The following ZAN variants were observed in gnomAD, a reference collection of about 807,000 sequenced individuals.
ZAN encodes the protein zonadhesin.
ZAN carries 260 observed loss-of-function variants against 286.2 expected under a neutral mutation model. That is an observed-to-expected ratio of 0.91 (90% CI 0.82 to 1.01). The LOEUF is 1.01. ZAN is among the 50% of genes least tolerant of loss of function. The pLI, the probability that ZAN is intolerant of heterozygous loss-of-function variation, is 0.00. For missense variants in ZAN, 3,410 were observed against 3,639.2 expected (o/e 0.94, Z 1.62); for synonymous variants, 1,368 against 1,417.5 (o/e 0.97, Z 0.79).
At position 100,737,080 on chromosome 7, in the gene ZAN, G is replaced by C. The variant is rs777766055; in HGVS notation, c.525G>C (p.Arg175=). 21 of 1,490,754 alleles carry C rather than the reference G, an allele frequency of 1.4e-5. 2 individuals are homozygous for C. The East Asian group carries it at 1.7e-4, about 12-fold the overall frequency. The allele number at this position is 1,490,754 out of a possible 1,614,324, so 92.3% of individuals were successfully genotyped here. ...TVPAGFTLPT[R]LMFEGTRGST... is the part of the protein sequence containing the mutation. ...CCGCAGGGTTCACCCTGCCCACCCG[G>C]GTAAGGCCGGGGACAAATTGTGGGA... The change falls in exon 5 of 48, where the codon CGG becomes CGC. Residue 175 remains arginine (R), a splice_region_variant and synonymous_variant. Coordinates refer to ENST00000613979, the MANE Select transcript of ZAN (RefSeq NM_003386.3).
At chr7:100,770,443 G>T (rs1810295834) in intron 28 of ZAN, among the ~76,000 whole-genome samples, 1 of 146,052 alleles carries the variant, frequency 6.8e-6, no homozygotes, top group Admixed American at 7.0e-5. Context: ...GGCAGAGGTT[G>T]CAGTGAGCCG....
intron 40 of ZAN, among the ~76,000 whole-genome samples, 178 bp from the exon 41 acceptor site, chr7:100,791,788 C>G (rs776092571): frequency 6.6e-6 from 1 of 152,024 alleles, no homozygotes; most frequent in South Asian, 2.1e-4. Context: ...AGTGCAGTGG[C>G]GTGATCTTGG....
rs377252633 is a variant in ZAN at position 100,759,850 on chromosome 7, G to A, written c.3696+5G>A. The A allele has an allele frequency of 5.2e-5, 83 of 1,611,460 alleles. No homozygotes were observed. The highest frequency in any genetic ancestry group is 6.7e-5 in the Non-Finnish European group (79 of 1,178,896). Reference sequence around the variant, plus strand: ...CTTAAGGGCAGACGCACTCTGGTGAGCCCCATTCCACCCCCACCATCCTTG... The same window carrying A: ...CTTAAGGGCAGACGCACTCTGGTGAACCCCATTCCACCCCCACCATCCTTG... On this transcript the variant is annotated splice_donor_5th_base_variant and intron_variant, in intron 18 of 47. Transcript: ENST00000613979.
rs201350911 is a variant in ZAN, at chr7:100,789,320, G to A, written c.7330G>A (p.Val2444Ile). The change falls in exon 39 of 48, where the codon GTC (valine) becomes ATC (isoleucine). Residue 2444 changes from valine (V) to isoleucine (I), a missense_variant. By Grantham distance (29) the Val-to-Ile change is conservative. Transcript: ENST00000613979. ...CCTGGTCACCGACTTTGAGCTGGTC[G>A]TCAGCTTTGGTGGAAGGAAAAATGC... ...LYLVTDFELVVSFGGRKNAVI... is the reference protein window; with the variant it reads ...LYLVTDFELVISFGGRKNAVI... 418 of 1,613,790 alleles carry A rather than the reference G, an allele frequency of 2.6e-4. No individual in the cohort carries two copies. The highest frequency in any genetic ancestry group is 9.9e-4 in the Middle Eastern group (6 of 6,062).
intron 39 of ZAN, among the ~76,000 whole-genome samples, chr7:100,790,509 C>T (rs917558891): frequency 5.2e-4 from 76 of 147,284 alleles, no homozygotes; most frequent in Non-Finnish European, 6.7e-4. Context: ...TTGCAGTGAG[C>T]GGAGATCACA....
intron 41 of ZAN, 42 bp from the exon 42 acceptor site, chr7:100,792,363 C>T: frequency 6.4e-7 from 1 of 1,564,940 alleles, no homozygotes; most frequent in South Asian, 1.2e-5. Context: ...CTCCTCCCCT[C>T]CCCAAACTGA....
At chr7:100,744,593 A>G (rs58583906) in intron 7 of ZAN, among the ~76,000 whole-genome samples, 2,273 of 150,742 alleles carry the variant, frequency 0.015, 107 homozygotes, top group African/African-American at 0.051. Flanking sequence ...GTGAGACTCC[A>G]TCTCAATAAA....
intron 39 of ZAN, among the ~76,000 whole-genome samples, chr7:100,790,323 G>C (rs1811854023): frequency 6.6e-6 from 1 of 152,018 alleles, no homozygotes; most frequent in African/African-American, 2.4e-5. Flanking sequence ...AGCACTTTGG[G>C]AGGCCGAGGC....
At chr7:100,776,964 C>G (rs1810860827) in intron 34 of ZAN, among the ~76,000 whole-genome samples, 1 of 149,044 alleles carries the variant, frequency 6.7e-6, no homozygotes, top group Non-Finnish European at 1.5e-5. Flanking sequence ...GATCTTCTGA[C>G]CTCGTGATCC....
At chr7:100,758,121 T>TG in intron 15 of ZAN, 81 bp from the exon 16 acceptor site, 6 of 869,244 alleles carry the variant, frequency 6.9e-6, no homozygotes, top group South Asian at 5.3e-5. Context: ...AATAAATAAA[T>TG]AAATAAATGA....
rs1482302345 is a variant in ZAN at position 100,771,927 on chromosome 7, G to A, written c.5332G>A (p.Asp1778Asn). The change falls in exon 29 of 48, where the codon GAC (aspartate) becomes AAC (asparagine). Residue 1778 changes from aspartate to asparagine, a missense_variant. Asp to Asn is a conservative substitution (Grantham distance 23). This residue lies in a region of ZAN where 27 missense variants were observed against 58.7 expected (regional missense o/e 0.46). Coordinates refer to ENST00000613979, the MANE Select transcript of ZAN (RefSeq NM_003386.3). ...GCATGGTCAGTGTGGGACCAAGGGC[G>A]ACACCACAGCCCTGTGCCGCTCCCT... ...CVHGQCGTKGDTTALCRSLQA... is the reference protein window; with the variant it reads ...CVHGQCGTKGNTTALCRSLQA... 3.7e-6 allele frequency: 6 copies of A among 1,612,784 alleles called. No homozygotes were observed. Among genetic ancestry groups the A allele is most frequent in the East Asian group, 2.2e-5 (1 of 44,820 alleles).
chr7:100,795,701 T>C (rs976312262), intron 45 of ZAN, among the ~76,000 whole-genome samples: 7 of 151,784 alleles, frequency 4.6e-5, no homozygotes, highest in Admixed American at 3.9e-4. Flanking sequence ...GGTCAGGAGA[T>C]GGAGACCATT....
rs1037139606 is a variant in ZAN at position 100,792,235 on chromosome 7, A to C, written c.7712+87A>C. 6 of 1,499,686 alleles carry C rather than the reference A, an allele frequency of 4.0e-6. No individual in the cohort carries two copies. In the East Asian group the frequency reaches 9.4e-5, roughly 24 times the overall value. The allele number at this position is 1,499,686 out of a possible 1,614,324, so 92.9% of individuals were successfully genotyped here. On this transcript the variant is annotated intron_variant, in intron 41 of 47. Transcript: ENST00000613979. ...GGCCTCCTGCCCGCTTCCTGACCCAAGCTCTGTGTGGTTCACTCCTCCGTT... is the reference window on the plus strand; with the variant it reads ...GGCCTCCTGCCCGCTTCCTGACCCACGCTCTGTGTGGTTCACTCCTCCGTT...
intron 31 of ZAN, among the ~76,000 whole-genome samples, chr7:100,775,056 T>C (rs1810657233): frequency 6.6e-6 from 1 of 152,120 alleles, no homozygotes. Context: ...GCCTTCCAAG[T>C]AGCTGAGATT....
chr7:100,776,894 G>A (rs570177540), intron 34 of ZAN, among the ~76,000 whole-genome samples: 31 of 144,626 alleles, frequency 2.1e-4, no homozygotes, highest in African/African-American at 6.6e-4. Context: ...CACCGCGCCC[G>A]GCTAATTTTT....
intron 22 of ZAN, among the ~76,000 whole-genome samples, chr7:100,764,399 G>A (rs890457532): frequency 1.3e-5 from 2 of 152,210 alleles, no homozygotes; most frequent in Admixed American, 1.3e-4. Context: ...GGAGGCTGAG[G>A]CAGGAGAATC....
chr7:100,755,298 G>A lies in ZAN; in HGVS notation c.3197G>A (p.Cys1066Tyr), dbSNP rs1344280472. Residue 1066 changes from cysteine to tyrosine, a missense_variant, in exon 15 of 48, where the codon TGT (cysteine) becomes TAT (tyrosine). Physicochemically the swap from Cys to Tyr is radical, Grantham distance 194 (BLOSUM62 -2). Coordinates refer to ENST00000613979, the MANE Select transcript of ZAN (RefSeq NM_003386.3). ...TCGTGCAAGAGCCCCAGGCCTAGCTGTGGGCCCCTCTGTCGGGAGGGCTGT... is the reference window on the plus strand; with the variant it reads ...TCGTGCAAGAGCCCCAGGCCTAGCTATGGGCCCCTCTGTCGGGAGGGCTGT... ...PASCKSPRPS[C>Y]GPLCREGCVC... is the part of the protein sequence containing the mutation. 1.2e-6 allele frequency: 2 copies of A among 1,613,912 alleles called. No homozygotes were observed. Among genetic ancestry groups the A allele is most frequent in the East Asian group, 4.5e-5 (2 of 44,880 alleles).
At chr7:100,793,296 G>A (rs1812121114) in intron 42 of ZAN, among the ~76,000 whole-genome samples, 1 of 151,232 alleles carries the variant, frequency 6.6e-6, no homozygotes, top group East Asian at 1.9e-4. Context: ...CCGTGATCAC[G>A]CCAGCCTGGG....
rs145152381 is a variant in ZAN at position 100,795,150 on chromosome 7, G to A, written c.8126-46G>A. On this transcript the variant is annotated intron_variant, in intron 44 of 47. Coordinates refer to ENST00000613979, the MANE Select transcript of ZAN (RefSeq NM_003386.3). Reference sequence around the variant, plus strand: ...CAGCCAGGCCTTCCCTCAGCTGGGAGTGTCCTCCCAGGGCCCCCCTCCCAC... The same window carrying A: ...CAGCCAGGCCTTCCCTCAGCTGGGAATGTCCTCCCAGGGCCCCCCTCCCAC... 3.7e-4 allele frequency: 584 copies of A among 1,574,178 alleles called. 2 individuals carry two copies. The East Asian group carries it at 0.012, about 32-fold the overall frequency.
Sources: allele counts gnomAD v4.1 joint callset (sites outside exome capture counted in the v4.1 genomes callset), GRCh38; gene constraint gnomAD v4.1.1; regional missense constraint gnomAD v4.1.1; transcripts MANE v1.5; gene names NCBI Gene and HGNC (gene_info 2026-07-23, HGNC 2026-07-21).